Variants in DENND4A observed in about 807,000 individuals in gnomAD.
DENND4A encodes DENN domain containing 4A.
In DENND4A, 70 loss-of-function variants were observed where a neutral mutation model predicts 199.3. The observed-to-expected ratio is 0.35, with a 90% CI of 0.29 to 0.43. The LOEUF (loss-of-function observed/expected upper bound fraction) is 0.43. DENND4A is among the 20% of genes least tolerant of loss of function. The pLI, the probability that DENND4A is intolerant of heterozygous loss-of-function variation, is 1.00. For missense variants in DENND4A, 1,723 were observed against 2,255.8 expected, an observed-to-expected ratio of 0.76 and a Z score of 4.78; for synonymous variants, 686 against 766.9, an observed-to-expected ratio of 0.89 and a Z score of 1.74.
rs150881572 is a variant in DENND4A at position 65,690,797 on chromosome 15, C to T, written c.3797G>A (p.Arg1266His). 1,023 of 1,613,358 alleles carry T rather than the reference C, an allele frequency of 6.3e-4. 7 individuals are homozygous for T. In the African/African-American group the frequency reaches 0.012, roughly 19 times the overall value. ...CCGTTGTAAATCAATGCTTGGTGTA[C>T]GACTTGTCAAAGGACTGCTCATGTT... ...MNNMSSPLTS[R>H]TPSIDLQRAC... Residue 1266 changes from arginine to histidine, a missense_variant, in exon 23 of 33, where the codon CGT (arginine) becomes CAT (histidine). Transcript: ENST00000443035.
At chr15:65,759,606 C>A (rs144479504) in intron 2 of DENND4A, among the ~76,000 whole-genome samples, 1 of 152,152 alleles carries the variant, frequency 6.6e-6, no homozygotes, top group Non-Finnish European at 1.5e-5. Flanking sequence ...AAGGGCTTAA[C>A]CTTTTCAGAA....
rs575750223 is a variant in DENND4A, at chr15:65,702,124, C to T, written c.2430+181G>A. Among the ~76,000 whole-genome samples, 5 of 152,082 alleles carry T rather than the reference C, an allele frequency of 3.3e-5. No individual in the cohort carries two copies. The South Asian group carries it at 1.0e-3, about 32-fold the overall frequency. ...CAAAAAAATTAAAAAATTAGCCAGG[C>T]GTGGTGGCACATGACTGTAGTCACA... is the stretch of plus-strand genomic sequence containing the variant. On this transcript the variant is annotated intron_variant, in intron 17 of 32. Transcript: ENST00000443035.
chr15:65,726,028 A>C (rs1348423881), intron 11 of DENND4A: 1 of 152,238 alleles, frequency 6.6e-6, no homozygotes, highest in African/African-American at 2.4e-5. Context: ...GAGCACAAAC[A>C]ACTTATCTTT....
Position 65,746,219 on chromosome 15 carries a change from A to C in DENND4A, c.562-4435T>G, listed in dbSNP as rs113235534. ...GTTCAAGGTGAAAAAAGAAGGAGGC[A>C]TTGTTCTAAAACTACTTTAAACTCT... On this transcript the variant is annotated intron_variant, in intron 4 of 32. Coordinates refer to ENST00000443035, the MANE Select transcript of DENND4A (RefSeq NM_001320835.1). Among the ~76,000 whole-genome samples the C allele has an allele frequency of 3.7e-3, 563 of 152,078 alleles. 3 individuals are homozygous for C. Among genetic ancestry groups the C allele is most frequent in the African/African-American group, 0.013 (543 of 41,496 alleles).
At chr15:65,762,093 C>T (rs1283576273) in intron 1 of DENND4A, among the ~76,000 whole-genome samples, 2 of 152,086 alleles carry the variant, frequency 1.3e-5, no homozygotes, top group East Asian at 3.9e-4. Flanking sequence ...CCGCAACCTC[C>T]ACCTCCTGGG....
chr15:65,715,498 A>G lies in DENND4A; in HGVS notation c.1933T>C (p.Phe645Leu). ...VSDKDASLAF[F>L]DDCVDKVDMD... The stretch of plus-strand genomic sequence containing the variant: ...CTTACTTTATCTACACAATCATCAA[A>G]AAATGCCAGGCTTGCATCTTTGTCA... The change falls in exon 14 of 33, where the codon TTT becomes CTT. Residue 645 changes from phenylalanine (F) to leucine (L), a missense_variant. Phe to Leu is a conservative substitution (Grantham distance 22). Transcript: ENST00000443035. 6.2e-7 allele frequency: 1 copy of G among 1,610,562 alleles called. No individual in the cohort carries two copies. The highest frequency in any genetic ancestry group is 8.5e-7 in the Non-Finnish European group (1 of 1,179,192).
chr15:65,683,413 C>G (rs946545803), intron 23 of DENND4A, among the ~76,000 whole-genome samples: 1 of 152,104 alleles, frequency 6.6e-6, no homozygotes, highest in African/African-American at 2.4e-5. Flanking sequence ...TTACTTCCTT[C>G]TTCCTACTTT....
intron 1 of DENND4A, among the ~76,000 whole-genome samples, chr15:65,773,859 TTTTG>T (rs960854539): frequency 8.5e-5 from 13 of 152,102 alleles, no homozygotes; most frequent in African/African-American, 1.2e-4. Context: ...TTAGGGGTTT[TTTTG>T]TTTGTTTGTT....
intron 1 of DENND4A, among the ~76,000 whole-genome samples, chr15:65,763,133 T>C (rs2140780824): frequency 6.6e-6 from 1 of 152,238 alleles, no homozygotes; most frequent in South Asian, 2.1e-4. Flanking sequence ...CACTATAGGT[T>C]AGCTTTAACA....
chr15:65,755,407 A>G (rs992310099), intron 3 of DENND4A, among the ~76,000 whole-genome samples: 4 of 152,216 alleles, frequency 2.6e-5, no homozygotes, highest in African/African-American at 9.7e-5. Flanking sequence ...TCTCAATAAT[A>G]AAGCACCCTA....
chr15:65,704,117 G>C (rs1209455904), intron 15 of DENND4A, among the ~76,000 whole-genome samples: 1 of 152,094 alleles, frequency 6.6e-6, no homozygotes, highest in Non-Finnish European at 1.5e-5. Context: ...GGAAAACCAT[G>C]CCCCTTAAAA....
chr15:65,684,754 C>T (rs1187560753), intron 23 of DENND4A, among the ~76,000 whole-genome samples: 1 of 151,052 alleles, frequency 6.6e-6, no homozygotes, highest in Non-Finnish European at 1.5e-5. Context: ...TTTCTGGTAT[C>T]ATACCTAAGA....
chr15:65,753,418 T>A (rs548080463), intron 3 of DENND4A, among the ~76,000 whole-genome samples: 1 of 152,032 alleles, frequency 6.6e-6, no homozygotes, highest in African/African-American at 2.4e-5. Context: ...GAGTGCAGTG[T>A]TGTGATCTCA....
chr15:65,695,866 A>G (rs1413496397), intron 22 of DENND4A, among the ~76,000 whole-genome samples: 1 of 152,118 alleles, frequency 6.6e-6, no homozygotes, highest in Non-Finnish European at 1.5e-5. Flanking sequence ...TCTTTAAAAC[A>G]GTGCTAATAT....
Position 65,726,986 on chromosome 15 carries a change from CA to C in DENND4A, c.1487+2085del, listed in dbSNP as rs558087945. Reference sequence around the variant, plus strand: ...AGAATAAAAAGTAAAAAATTTTTTTCAAAAAAAGCTTTAAGATAAAAAGCTC... The same window carrying C: ...AGAATAAAAAGTAAAAAATTTTTTTCAAAAAAGCTTTAAGATAAAAAGCTC... On this transcript the variant is annotated intron_variant, in intron 11 of 32. Coordinates refer to ENST00000443035, the MANE Select transcript of DENND4A (RefSeq NM_001320835.1). Among the ~76,000 whole-genome samples the C allele has an allele frequency of 2.3e-3, 344 of 151,144 alleles. 2 individuals carry two copies. Among genetic ancestry groups the C allele is most frequent in the African/African-American group, 8.0e-3 (329 of 41,244 alleles).
intron 4 of DENND4A, among the ~76,000 whole-genome samples, chr15:65,744,199 C>T (rs369316689): frequency 3.5e-4 from 53 of 152,108 alleles, no homozygotes; most frequent in African/African-American, 1.2e-3. Context: ...ATATGAAGTA[C>T]AGTATAAGAG....
chr15:65,737,958 T>C lies in DENND4A; in HGVS notation c.802-13A>G. The C allele has an allele frequency of 6.4e-7, 1 of 1,558,558 alleles. No homozygotes were observed. Among genetic ancestry groups the C allele is most frequent in the African/African-American group, 1.4e-5 (1 of 73,464 alleles). Reference sequence around the variant, plus strand: ...CAGCACCATAAACCTGCAAAACAAGTAATATATCCAGTAAATATACTTTGT... The same window carrying C: ...CAGCACCATAAACCTGCAAAACAAGCAATATATCCAGTAAATATACTTTGT... On this transcript the variant is annotated splice_polypyrimidine_tract_variant and intron_variant, in intron 6 of 32. Transcript: ENST00000443035.
At chr15:65,705,542 T>C (rs1271561459) in intron 15 of DENND4A, among the ~76,000 whole-genome samples, 1 of 152,196 alleles carries the variant, frequency 6.6e-6, no homozygotes, top group African/African-American at 2.4e-5. Context: ...TCTGTATACT[T>C]AGCACAGTGT....
At chr15:65,748,799 T>C (rs1018322371) in intron 4 of DENND4A, among the ~76,000 whole-genome samples, 3 of 150,300 alleles carry the variant, frequency 2.0e-5, no homozygotes, top group African/African-American at 7.3e-5. Flanking sequence ...GAGCCGGGGG[T>C]ATGTAGGGAA....
Sources: allele counts gnomAD v4.1 joint callset (sites outside exome capture counted in the v4.1 genomes callset), GRCh38; gene constraint gnomAD v4.1.1; transcripts MANE v1.5; gene names NCBI Gene and HGNC (gene_info 2026-07-23, HGNC 2026-07-21).